The following TASP1 variants were observed in gnomAD, a reference collection of about 807,000 sequenced individuals.
TASP1 encodes threonine aspartase 1.
TASP1 carries 16 observed loss-of-function variants against 56.6 expected under a neutral mutation model. That is an observed-to-expected ratio of 0.28 (90% confidence interval 0.19 to 0.43). The LOEUF is 0.43. Ranked by LOEUF, TASP1 falls within the 20% of genes least tolerant of loss-of-function variation. The probability of loss-of-function intolerance (pLI) is 1.00; values close to 1 mark genes in which losing one functional copy is unlikely to be tolerated. For synonymous variants in TASP1, 179 were observed against 184.2 expected (o/e 0.97, Z 0.23); for missense variants, 393 against 511.6 (o/e 0.77, Z 2.24).
chr20:13,632,894 C>T (rs956843243), intron 1 of TASP1, among the ~76,000 whole-genome samples: 1 of 152,126 alleles, frequency 6.6e-6, no homozygotes, highest in African/African-American at 2.4e-5. Context: ...TACATAATAG[C>T]TTAACCAGAC....
chr20:13,419,762 T>C (rs1334404585), intron 12 of TASP1, among the ~76,000 whole-genome samples: 1 of 152,192 alleles, frequency 6.6e-6, no homozygotes, highest in Non-Finnish European at 1.5e-5. Context: ...AGGGGCAAAA[T>C]GGAGTTCCTC....
the TASP1 span, chr20:13,110,331 G>T: frequency 1.2e-6 from 1 of 851,844 alleles, no homozygotes; most frequent in Non-Finnish European, 1.8e-6. Context: ...TTGGTTATAT[G>T]ACACAGGGAC....
At chr20:13,570,846 A>T (rs1438413631) in intron 6 of TASP1, among the ~76,000 whole-genome samples, 1 of 152,158 alleles carries the variant, frequency 6.6e-6, no homozygotes, top group East Asian at 1.9e-4. Flanking sequence ...GCAAATTTGA[A>T]CTGTCCTGAT....
Position 13,634,558 on chromosome 20 carries a change from C to T in TASP1, c.-75+4336G>A, listed in dbSNP as rs769525683. Among the ~76,000 whole-genome samples the T allele has an allele frequency of 3.3e-5, 5 of 152,018 alleles. No individual in the cohort carries two copies. The East Asian group carries it at 7.7e-4, about 23-fold the overall frequency. ...AAGCCTGGCCAACATGGCGAAATCC[C>T]GTCTCTACTAAAAATACAAAAATTA... On this transcript the variant is annotated intron_variant, in intron 1 of 13. Coordinates refer to ENST00000337743, the MANE Select transcript of TASP1 (RefSeq NM_017714.3).
At chr20:13,535,184 C>T (rs551777482) in intron 8 of TASP1, among the ~76,000 whole-genome samples, 7 of 152,104 alleles carry the variant, frequency 4.6e-5, no homozygotes, top group Non-Finnish European at 1.0e-4. Context: ...ACTGAGAGAT[C>T]CCTAAGAAGC....
At chr20:13,394,307 C>CAAAA (rs57418361) in intron 13 of TASP1, among the ~76,000 whole-genome samples, 1,241 of 42,880 alleles carry the variant, frequency 0.029, 16 homozygotes, top group Middle Eastern at 0.056. Flanking sequence ...CACTCCCTCT[C>CAAAA]AAAAAAAAAA....
chr20:13,135,217 C>G, the TASP1 span, among the ~76,000 whole-genome samples: 4 of 152,072 alleles, frequency 2.6e-5, no homozygotes, highest in Non-Finnish European at 5.9e-5. Context: ...TGGGTAGGAT[C>G]AATTTGATGA....
At chr20:13,322,258 G>A in the TASP1 span, among the ~76,000 whole-genome samples, 54 of 152,240 alleles carry the variant, frequency 3.5e-4, 1 homozygote, top group South Asian at 1.0e-3. Flanking sequence ...GAGGCAGTTC[G>A]TCATCTTCAA....
chr20:13,520,889 A>G (rs1172307574), intron 10 of TASP1, among the ~76,000 whole-genome samples: 1 of 152,228 alleles, frequency 6.6e-6, no homozygotes, highest in Non-Finnish European at 1.5e-5. Context: ...CAAAGGGCTA[A>G]TATCCAGAAT....
intron 12 of TASP1, among the ~76,000 whole-genome samples, chr20:13,429,287 G>C (rs2042720326): frequency 6.6e-6 from 1 of 152,180 alleles, no homozygotes; most frequent in African/African-American, 2.4e-5. Flanking sequence ...TTTGATCAGG[G>C]TTTTAAAGAC....
intron 9 of TASP1, 119 bp from the exon 10 acceptor site, chr20:13,528,630 T>C: frequency 2.8e-6 from 2 of 715,562 alleles, no homozygotes; most frequent in Admixed American, 2.8e-5. Context: ...AACAACTAGG[T>C]GATAATACCA....
intron 11 of TASP1, among the ~76,000 whole-genome samples, chr20:13,453,127 C>T (rs1001902556): frequency 4.6e-5 from 7 of 151,860 alleles, no homozygotes; most frequent in African/African-American, 1.7e-4. Flanking sequence ...AATGTAGAGA[C>T]CACTAGATCT....
At chr20:13,291,632 C>T in the TASP1 span, among the ~76,000 whole-genome samples, 1 of 152,096 alleles carries the variant, frequency 6.6e-6, no homozygotes, top group Non-Finnish European at 1.5e-5. Context: ...TTTGGGTGAG[C>T]CAGTAAGTTT....
At chr20:13,565,996 T>C (rs1343773935) in intron 7 of TASP1, among the ~76,000 whole-genome samples, 1 of 152,170 alleles carries the variant, frequency 6.6e-6, no homozygotes, top group African/African-American at 2.4e-5. Flanking sequence ...ATACATACAA[T>C]GAAACACTAT....
chr20:13,239,433 C>A, the TASP1 span: 1 of 152,376 alleles, frequency 6.6e-6, no homozygotes, highest in Admixed American at 6.5e-5. Context: ...TCCCTGAGAT[C>A]TGAGAAGGGT....
intron 11 of TASP1, among the ~76,000 whole-genome samples, chr20:13,472,496 G>A (rs1020838186): frequency 8.0e-5 from 12 of 150,870 alleles, no homozygotes; most frequent in Non-Finnish European, 1.3e-4. Context: ...GATCTAATTC[G>A]ACTAAAGAGC....
At chr20:13,153,498 A>T in the TASP1 span, among the ~76,000 whole-genome samples, 10 of 152,160 alleles carry the variant, frequency 6.6e-5, no homozygotes, top group Admixed American at 5.2e-4. Context: ...TTGTCTATGA[A>T]TATGCTATCC....
chr20:13,196,169 T>C, the TASP1 span, among the ~76,000 whole-genome samples: 1 of 152,222 alleles, frequency 6.6e-6, no homozygotes, highest in Admixed American at 6.5e-5. Flanking sequence ...TTCATTTCTA[T>C]TGCAACCAAG....
chr20:13,270,846 A>C, the TASP1 span: 1 of 1,081,092 alleles, frequency 9.2e-7, no homozygotes, highest in South Asian at 1.5e-5. Flanking sequence ...TTTCTTCTTA[A>C]CCCCTTAATG....
Sources: gnomAD v4.1 joint callset for allele counts (sites outside exome capture counted in the v4.1 genomes callset) on GRCh38, gnomAD v4.1.1 for gene constraint, MANE v1.5 for transcripts, NCBI Gene and HGNC (gene_info 2026-07-23, HGNC 2026-07-21) for gene names.